Variants in ME1 observed in about 807,000 individuals in gnomAD.
ME1 encodes malic enzyme 1.
ME1 carries 74 observed loss-of-function variants against 66.4 expected under a neutral mutation model. That is an observed-to-expected ratio of 1.11 (90% CI 0.92 to 1.35). The LOEUF is 1.35. ME1 is among the 40% of genes most tolerant of loss of function. The probability of loss-of-function intolerance (pLI) is 0.00; values close to 1 mark genes in which losing one functional copy is unlikely to be tolerated. For synonymous variants in ME1, 251 were observed against 235.6 expected (o/e 1.07, Z -0.60); for missense variants, 750 against 694.1 (o/e 1.08, Z -0.90).
chr6:83,292,938 G>C (rs1234333537), intron 6 of ME1, among the ~76,000 whole-genome samples: 1 of 152,294 alleles, frequency 6.6e-6, no homozygotes, highest in Non-Finnish European at 1.5e-5. Context: ...GTGGGCATGG[G>C]ACCCACTGAG....
intron 3 of ME1, among the ~76,000 whole-genome samples, chr6:83,393,687 A>G (rs773897402): frequency 5.9e-5 from 9 of 152,112 alleles, no homozygotes; most frequent in Admixed American, 3.3e-4. Flanking sequence ...GCCCTTCTAC[A>G]TTTATCATTG....
chr6:83,237,617 T>C (rs986130885), intron 9 of ME1, 100 bp downstream of exon 9: 5 of 590,900 alleles, frequency 8.5e-6, no homozygotes, highest in African/African-American at 7.5e-5. Flanking sequence ...ACTCTTTTAA[T>C]ATAGTGTAAA....
chr6:83,418,652 T>G (rs1770206142), intron 1 of ME1, among the ~76,000 whole-genome samples: 1 of 152,146 alleles, frequency 6.6e-6, no homozygotes. Context: ...ATCATCACAC[T>G]CACAGATATC....
chr6:83,343,985 T>C (rs1279243625), intron 5 of ME1, among the ~76,000 whole-genome samples: 2 of 151,750 alleles, frequency 1.3e-5, no homozygotes, highest in African/African-American at 4.8e-5. Context: ...ATACAAACAA[T>C]CTCAATAAAT....
At chr6:83,362,491 C>T (rs564658282) in intron 3 of ME1, among the ~76,000 whole-genome samples, 1 of 152,314 alleles carries the variant, frequency 6.6e-6, no homozygotes, top group East Asian at 1.9e-4. Context: ...ACAAAGTACC[C>T]ATGGTGGCAG....
intron 6 of ME1, among the ~76,000 whole-genome samples, chr6:83,260,145 C>CA (rs1235493726): frequency 2.0e-5 from 3 of 146,902 alleles, no homozygotes; most frequent in Admixed American, 6.9e-5. Context: ...TCTATAGAAT[C>CA]AAAAAATCAC....
In ME1 at chr6:83,315,339, C is replaced by CA. The variant is rs778632955; in HGVS notation, c.674dup (p.Leu225PhefsTer21). The stretch of plus-strand genomic sequence containing the variant: ...AAGAAACTGCCTCCATGAATTCGTC[C>CA]AAAAAATCATCATATTCAGAACCTC... On this transcript the variant is annotated frameshift_variant, in exon 6 of 14. Transcript: ENST00000369705. LOFTEE classifies it high-confidence loss of function. The CA allele has an allele frequency of 2.7e-5, 44 of 1,611,116 alleles. No homozygotes were observed. The highest frequency in any genetic ancestry group is 3.4e-5 in the Non-Finnish European group (40 of 1,178,390).
rs746007078 is a variant in ME1, at chr6:83,227,383, T to C, written c.1227A>G (p.Pro409=). 1.1e-5 allele frequency: 18 copies of C among 1,604,946 alleles called. No homozygotes were observed. In the South Asian group the frequency reaches 1.7e-4, roughly 15 times the overall value. ...ERPIIFALSN[P]TSKAECSAEQ... ...CTGCAGAACATTCTGCTTTGCTAGT[T>C]GGATTACTCAAAGCAAAAATAATAG... is the stretch of plus-strand genomic sequence containing the variant. Residue 409 remains proline (P), a synonymous_variant, in exon 11 of 14, where the codon CCA becomes CCG. Transcript: ENST00000369705.
intron 9 of ME1, among the ~76,000 whole-genome samples, chr6:83,235,628 GC>G (rs1285775493): frequency 6.6e-6 from 1 of 151,944 alleles, no homozygotes; most frequent in Non-Finnish European, 1.5e-5. Context: ...CCACCACCAT[GC>G]CCAGCTAATT....
intron 11 of ME1, among the ~76,000 whole-genome samples, chr6:83,225,808 T>TTATA (rs57577563): frequency 0.092 from 12,619 of 137,660 alleles, 719 homozygotes; most frequent in Non-Finnish European, 0.13. Flanking sequence ...GCCTGTAACA[T>TTATA]TATATATATA....
rs373433048 is a variant in ME1, at chr6:83,293,265, G to A, written c.704+22045C>T. ...GCTGTAGACCAGAGCGTTCCTATTC[G>A]GCCATCTTGGAAGTGACCTCCATCA... On this transcript the variant is annotated intron_variant, in intron 6 of 13. Transcript: ENST00000369705. Among the ~76,000 whole-genome samples the A allele has an allele frequency of 1.6e-4, 25 of 152,152 alleles. No homozygotes were observed. In the South Asian group the frequency reaches 4.2e-3, roughly 25 times the overall value.
At chr6:83,246,611 C>A (rs1293558642) in intron 7 of ME1, among the ~76,000 whole-genome samples, 3 of 151,920 alleles carry the variant, frequency 2.0e-5, no homozygotes, top group African/African-American at 7.3e-5. Flanking sequence ...TATGGTAATT[C>A]ATTTAACCAA....
intron 3 of ME1, among the ~76,000 whole-genome samples, chr6:83,379,522 A>G (rs1364072311): frequency 3.9e-5 from 6 of 152,018 alleles, no homozygotes; most frequent in Admixed American, 1.3e-4. Flanking sequence ...AATGCTTGTA[A>G]ACACCGTTTT....
chr6:83,228,899 C>T lies in ME1; in HGVS notation c.1059G>A (p.Lys353=). The stretch of plus-strand genomic sequence containing the variant: ...TCATTTCTTCATGTTCATGGGCAAA[C>T]TTCTCTTTCTCTTGTGTTAAGGAAG... ...GRASLTQEKE[K]FAHEHEEMKN... is the part of the protein sequence containing the mutation. Residue 353 remains lysine, a synonymous_variant, in exon 10 of 14, where the codon AAG becomes AAA. Coordinates refer to ENST00000369705, the MANE Select transcript of ME1 (RefSeq NM_002395.6). 1 of 1,612,774 alleles carries T rather than the reference C, an allele frequency of 6.2e-7. No individual in the cohort carries two copies. The highest frequency in any genetic ancestry group is 8.5e-7 in the Non-Finnish European group (1 of 1,179,692).
At chr6:83,250,025 A>G (rs4645389) in intron 7 of ME1, among the ~76,000 whole-genome samples, 1,564 of 152,252 alleles carry the variant, frequency 0.01, 110 homozygotes, top group Admixed American at 0.092. Flanking sequence ...GGCCTTGCCT[A>G]TTCCTGAACT....
chr6:83,268,606 C>A (rs1364808237), intron 6 of ME1, among the ~76,000 whole-genome samples: 2 of 152,004 alleles, frequency 1.3e-5, no homozygotes, highest in Non-Finnish European at 2.9e-5. Flanking sequence ...CACTTTGTCA[C>A]CCAGGCTGGA....
intron 10 of ME1, among the ~76,000 whole-genome samples, chr6:83,228,211 C>G (rs7739549): frequency 0.19 from 28,431 of 152,106 alleles, 3,777 homozygotes; most frequent in African/African-American, 0.36. Flanking sequence ...AAGTCTTGCA[C>G]TGCACATGCA....
chr6:83,307,471 T>G lies in ME1; in HGVS notation c.704+7839A>C, dbSNP rs147226544. ...TTCACCCTGGGTCCACAGGGAAGAA[T>G]AGCAGGTGGAATCCCATATAATCAT... On this transcript the variant is annotated intron_variant, in intron 6 of 13. Transcript: ENST00000369705. 8.9e-4 allele frequency among the ~76,000 whole-genome samples: 135 copies of G among 152,226 alleles called. 2 individuals are homozygous for G. Among genetic ancestry groups the G allele is most frequent in the African/African-American group, 3.1e-3 (130 of 41,562 alleles).
intron 3 of ME1, among the ~76,000 whole-genome samples, chr6:83,357,213 G>C (rs1273202612): frequency 6.6e-6 from 1 of 152,134 alleles, no homozygotes; most frequent in East Asian, 1.9e-4. Context: ...TCCTATTAGT[G>C]ATGATGTTCA....
Sources: allele counts gnomAD v4.1 joint callset (sites outside exome capture counted in the v4.1 genomes callset), GRCh38; gene constraint gnomAD v4.1.1; transcripts MANE v1.5; gene names NCBI Gene and HGNC (gene_info 2026-07-23, HGNC 2026-07-21).